WDFY3: variants seen among roughly 807,000 people sequenced by gnomAD.
WDFY3 encodes WD repeat and FYVE domain-containing protein 3.
In WDFY3, 66 loss-of-function variants were observed where a neutral mutation model predicts 409.6. The ratio of observed to expected loss-of-function variants is 0.16; its 90% CI spans 0.13 to 0.20. The LOEUF (loss-of-function observed/expected upper bound fraction) is 0.20. Among genes scored for constraint, WDFY3 ranks in the 10% least tolerant of loss-of-function variants. WDFY3 has a pLI of 1.00. For synonymous variants in WDFY3, 1,521 were observed against 1,537.1 expected, an observed-to-expected ratio of 0.99 and a Z score of 0.25; for missense variants, 3,031 against 4,298.1, an observed-to-expected ratio of 0.71 and a Z score of 8.24.
intron 5 of WDFY3, among the ~76,000 whole-genome samples, chr4:84,841,860 T>C (rs1757398672): frequency 6.6e-6 from 1 of 152,108 alleles, no homozygotes; most frequent in Non-Finnish European, 1.5e-5. Context: ...AGGATTATAC[T>C]AAGACTATTA....
At chr4:84,678,724 T>C (rs1040402654) in intron 65 of WDFY3, among the ~76,000 whole-genome samples, 195 bp downstream of exon 65, 7 of 152,340 alleles carry the variant, frequency 4.6e-5, no homozygotes, top group East Asian at 1.9e-4. Context: ...CATCGTAGGA[T>C]AGAATTTTTA....
intron 4 of WDFY3, among the ~76,000 whole-genome samples, chr4:84,854,595 G>A (rs1759487672): frequency 6.6e-6 from 1 of 151,664 alleles, no homozygotes; most frequent in African/African-American, 2.4e-5. Context: ...CTCTCAGGGA[G>A]TACTGACTAC....
chr4:84,715,408 T>A, intron 49 of WDFY3, 25 bp from the exon 50 acceptor site: 3 of 1,307,214 alleles, frequency 2.3e-6, no homozygotes, highest in Admixed American at 1.9e-5. Context: ...GAGAAAAACA[T>A]TAAGAAAAAA....
At chr4:84,753,206 CA>C (rs1345813988) in intron 35 of WDFY3, among the ~76,000 whole-genome samples, 1 of 151,878 alleles carries the variant, frequency 6.6e-6, no homozygotes, top group Non-Finnish European at 1.5e-5. Flanking sequence ...ACAAAATAAG[CA>C]AAATAAAACT....
At chr4:84,714,076 A>G (rs1016451121) in intron 50 of WDFY3, among the ~76,000 whole-genome samples, 10 of 151,994 alleles carry the variant, frequency 6.6e-5, no homozygotes, top group African/African-American at 2.4e-4. Context: ...AGATTGCGCC[A>G]CTGCACTCCA....
chr4:84,674,361 C>T lies in WDFY3; in HGVS notation c.10458-1370G>A, dbSNP rs189281000. Reference sequence around the variant, plus strand: ...GAGGCGGGGGTACTGCTTGAGCCCGCGGCTGTGAGACCAGCCTGGGGAACA... The same window carrying T: ...GAGGCGGGGGTACTGCTTGAGCCCGTGGCTGTGAGACCAGCCTGGGGAACA... On this transcript the variant is annotated intron_variant, in intron 67 of 67. Transcript: ENST00000295888. 9.9e-5 allele frequency among the ~76,000 whole-genome samples: 15 copies of T among 151,644 alleles called. No homozygotes were observed. In the East Asian group the frequency reaches 2.0e-3, roughly 20 times the overall value.
intron 56 of WDFY3, among the ~76,000 whole-genome samples, chr4:84,700,081 G>C (rs527280323): frequency 6.6e-6 from 1 of 152,006 alleles, no homozygotes; most frequent in South Asian, 2.1e-4. Flanking sequence ...ATCTTTTGTT[G>C]TTGTTGCTTG....
chr4:84,682,539 A>G lies in WDFY3; in HGVS notation c.9727-69T>C. 3.4e-6 allele frequency: 4 copies of G among 1,179,434 alleles called. No individual in the cohort carries two copies. In the South Asian group the frequency reaches 5.2e-5, roughly 15 times the overall value. The allele number at this position is 1,179,434 out of a possible 1,614,324, so 73.1% of individuals were successfully genotyped here. A position where few individuals can be genotyped will look rare whatever the true frequency, so the allele number is the denominator to read the frequency against. ...TTAAGGAACCAATTTACATTACTCA[A>G]TGAAGAGAGACTGTCAGGGTTAACA... On this transcript the variant is annotated intron_variant, in intron 63 of 67. Coordinates refer to ENST00000295888, the MANE Select transcript of WDFY3 (RefSeq NM_014991.6).
At chr4:84,911,757 A>AT (rs1304050950) in intron 2 of WDFY3, among the ~76,000 whole-genome samples, 1 of 152,134 alleles carries the variant, frequency 6.6e-6, no homozygotes, top group African/African-American at 2.4e-5. Context: ...ATACCAGTCT[A>AT]TTTTTATCAT....
intron 37 of WDFY3, 81 bp from the exon 38 acceptor site, chr4:84,742,002 T>C: frequency 3.0e-6 from 4 of 1,317,894 alleles, no homozygotes; most frequent in Non-Finnish European, 4.1e-6. Flanking sequence ...AAAATCAGGC[T>C]AAGGTAAAAT....
chr4:84,802,975 C>A (rs1750879747), intron 16 of WDFY3, among the ~76,000 whole-genome samples: 4 of 152,164 alleles, frequency 2.6e-5, no homozygotes, highest in Non-Finnish European at 5.9e-5. Context: ...TATCTTCAGT[C>A]ATTTTTCCTT....
intron 10 of WDFY3, among the ~76,000 whole-genome samples, chr4:84,824,147 C>G (rs1214765896): frequency 6.6e-6 from 1 of 152,054 alleles, no homozygotes; most frequent in Admixed American, 6.6e-5. Context: ...CAATATTCTC[C>G]CCATTTTCAT....
rs1726833836 is a variant in WDFY3, at chr4:84,678,935, G to A, written c.10131C>T (p.Tyr3377=). 1 of 1,612,878 alleles carries A rather than the reference G, an allele frequency of 6.2e-7. No individual in the cohort carries two copies. The highest frequency in any genetic ancestry group is 8.5e-7 in the Non-Finnish European group (1 of 1,179,332). The change falls in exon 65 of 68, where the codon TAC becomes TAT. Residue 3377 remains tyrosine, a synonymous_variant. Coordinates refer to ENST00000295888, the MANE Select transcript of WDFY3 (RefSeq NM_014991.6). ...TCAAGTTACCAGGTTTCAATCTGCT[G>A]TAATTCCGCACCTCAATGGGATTGG... ...PHPNPIEVRN[Y]SRLKPGYRWE... is the part of the protein sequence containing the mutation.
At chr4:84,964,548 G>C (rs1198999558) in intron 1 of WDFY3, among the ~76,000 whole-genome samples, 1 of 152,194 alleles carries the variant, frequency 6.6e-6, no homozygotes, top group Non-Finnish European at 1.5e-5. Context: ...TGGAATTTAA[G>C]AATCTCTTCA....
chr4:84,733,357 T>G, intron 44 of WDFY3, 25 bp downstream of exon 44: 1 of 1,605,986 alleles, frequency 6.2e-7, no homozygotes, highest in Non-Finnish European at 8.5e-7. Context: ...AGAGCCATTG[T>G]GATCATTGAA....
chr4:84,683,843 T>G, intron 63 of WDFY3, 100 bp downstream of exon 63: 2 of 1,296,366 alleles, frequency 1.5e-6, no homozygotes, highest in Admixed American at 2.1e-5. Context: ...TCACTAAACA[T>G]TACAACTTGT....
At position 84,876,246 on chromosome 4, in the gene WDFY3, C is replaced by T. The variant is rs77263335; in HGVS notation, c.-31-15624G>A. 4.6e-5 allele frequency among the ~76,000 whole-genome samples: 7 copies of T among 152,076 alleles called. No homozygotes were observed. In the East Asian group the frequency reaches 7.7e-4, roughly 17 times the overall value. ...TCTCTGGGAACACCATCATATATGC[C>T]GTCTGTTGTTCACCAACATATCATT... On this transcript the variant is annotated intron_variant, in intron 3 of 67. Transcript: ENST00000295888.
intron 67 of WDFY3, among the ~76,000 whole-genome samples, chr4:84,674,940 C>A (rs377032377): frequency 6.6e-6 from 1 of 150,972 alleles, no homozygotes; most frequent in African/African-American, 2.4e-5. Flanking sequence ...AAGGCCTGCT[C>A]TATAAAACCC....
chr4:84,955,302 T>C lies in WDFY3; in HGVS notation c.-226+10907A>G, dbSNP rs75549350. Among the ~76,000 whole-genome samples, 1,444 of 152,130 alleles carry C rather than the reference T, an allele frequency of 9.5e-3. 73 individuals are homozygous for C. The East Asian group carries it at 0.16, about 17-fold the overall frequency. Reference sequence around the variant, plus strand: ...TAAAGAGGAATTAAGAAGAATGCCATGTAATTAAAATTTTTACATGACTAT... The same window carrying C: ...TAAAGAGGAATTAAGAAGAATGCCACGTAATTAAAATTTTTACATGACTAT... On this transcript the variant is annotated intron_variant, in intron 1 of 67. Transcript: ENST00000295888.
Sources: allele counts gnomAD v4.1 joint callset (sites outside exome capture counted in the v4.1 genomes callset), GRCh38; gene constraint gnomAD v4.1.1; transcripts MANE v1.5; gene names NCBI Gene and HGNC (gene_info 2026-07-23, HGNC 2026-07-21).